The following MATR3 variants were observed in gnomAD, a reference collection of about 807,000 sequenced individuals.
MATR3 encodes the protein matrin-3.
MATR3 carries 4 observed loss-of-function variants against 85.5 expected under a neutral mutation model. The observed-to-expected ratio is 0.05, with a 90% confidence interval of 0.02 to 0.11. MATR3 has a LOEUF of 0.11. Ranked by LOEUF, MATR3 falls within the 10% of genes least tolerant of loss-of-function variation. MATR3 has a pLI of 1.00. For missense variants in MATR3, 685 were observed against 1,016.1 expected (o/e 0.67, Z 4.43); for synonymous variants, 336 against 343.1 (o/e 0.98, Z 0.23).
chr5:139,310,010 C>G (rs1433247497), intron 2 of MATR3: 1 of 152,154 alleles, frequency 6.6e-6, no homozygotes, highest in Non-Finnish European at 1.5e-5. Flanking sequence ...ATCTTCGCTA[C>G]TGGAGTCATT....
chr5:139,320,842 G>A (rs1247538944), intron 9 of MATR3, among the ~76,000 whole-genome samples: 7 of 145,494 alleles, frequency 4.8e-5, no homozygotes, highest in East Asian at 4.0e-4. Flanking sequence ...CTGCCTCCCC[G>A]GTTCATGGCA....
intron 14 of MATR3, among the ~76,000 whole-genome samples, chr5:139,328,288 T>G (rs566137349): frequency 1.4e-3 from 207 of 152,346 alleles, no homozygotes; most frequent in African/African-American, 4.8e-3. Context: ...GGGGTGATTT[T>G]TTGTTGTTGT....
At chr5:139,313,751 A>C (rs2151977976) in intron 2 of MATR3, 1 of 152,290 alleles carries the variant, frequency 6.6e-6, no homozygotes, top group East Asian at 1.9e-4. Context: ...TATTTTGATA[A>C]ATGGGATTCG....
chr5:139,329,208 A>G, intron 14 of MATR3, 137 bp from the exon 15 acceptor site: 1 of 673,492 alleles, frequency 1.5e-6, no homozygotes, highest in South Asian at 1.6e-5. Context: ...AATGAGGATT[A>G]ACTAATTGTT....
intron 4 of MATR3, 82 bp from the exon 5 acceptor site, chr5:139,315,994 T>C (rs2151984538): frequency 9.6e-7 from 1 of 1,040,676 alleles, no homozygotes; most frequent in Middle Eastern, 3.0e-4. Flanking sequence ...GGTCATATAT[T>C]GGGGTGCTTT....
At chr5:139,325,813 A>C (rs1581262332) in intron 13 of MATR3, 151 bp downstream of exon 13, 5 of 716,302 alleles carry the variant, frequency 7.0e-6, no homozygotes, top group Non-Finnish European at 1.2e-5. Flanking sequence ...ATAAATCTTA[A>C]TTGATATATT....
In MATR3 at chr5:139,329,392, T is replaced by A; in HGVS notation, c.2541T>A (p.Thr847=). 6.2e-7 allele frequency: 1 copy of A among 1,610,898 alleles called. No individual in the cohort carries two copies. The highest frequency in any genetic ancestry group is 8.5e-7 in the Non-Finnish European group (1 of 1,177,632). Residue 847 remains threonine (T), a synonymous_variant, in exon 15 of 15, where the codon ACT becomes ACA. Transcript: ENST00000394805. ...AAGAACGCAGACAGAAGAAGGAAAC[T>A]TAAGATGTGCAAGGAGATTTAATGA... The part of the protein sequence containing the change: ...LAEERRQKKE[T]
Position 139,325,478 on chromosome 5 carries a change from A to G in MATR3, c.2187A>G (p.Ala729=), listed in dbSNP as rs942986678. ...AGGAACTTGATCAAGAAAACGAAGC[A>G]GCGTTGGAAAATGGAATTAAAAATG... The part of the protein sequence containing the change: ...KIEELDQENE[A]ALENGIKNEE... Residue 729 remains alanine (A), a synonymous_variant, in exon 13 of 15, where the codon GCA becomes GCG. Coordinates refer to ENST00000394805, the MANE Select transcript of MATR3 (RefSeq NM_018834.6). 6.2e-6 allele frequency: 10 copies of G among 1,614,102 alleles called. No individual in the cohort carries two copies. The highest frequency in any genetic ancestry group is 8.5e-6 in the Non-Finnish European group (10 of 1,180,044).
Position 139,330,766 on chromosome 5 carries a change from A to G in MATR3, c.*1371A>G, listed in dbSNP as rs1484695510. On this transcript the variant is annotated 3_prime_UTR_variant, in exon 15 of 15. Transcript: ENST00000394805. ...AGCTTTTCAAAATAATTACGTAGAG[A>G]CTCTTGGTATATTGGATTATCTGTT... 13 of 453,722 alleles carry G rather than the reference A, an allele frequency of 2.9e-5. No homozygotes were observed. The highest frequency in any genetic ancestry group is 4.7e-5 in the Admixed American group (2 of 42,512). 28.1% of individuals were successfully genotyped at this position (453,722 alleles called of 1,614,324 possible).
chr5:139,326,043 A>G, intron 13 of MATR3, 120 bp from the exon 14 acceptor site: 1 of 916,294 alleles, frequency 1.1e-6, no homozygotes, highest in Non-Finnish European at 1.7e-6. Context: ...TTTTTATCTT[A>G]GGCTGTATTG....
intron 1 of MATR3, among the ~76,000 whole-genome samples, chr5:139,306,781 G>A (rs1405794966): frequency 1.3e-5 from 2 of 152,196 alleles, no homozygotes; most frequent in East Asian, 3.9e-4. Flanking sequence ...ATTTTACTTG[G>A]TTCTTTCTGA....
chr5:139,277,735 A>G (rs1210087664), intron 2 of MATR3, among the ~76,000 whole-genome samples: 1 of 148,006 alleles, frequency 6.8e-6, no homozygotes, highest in African/African-American at 2.5e-5. Flanking sequence ...ATTCAAATTC[A>G]TGGGAAATAT....
chr5:139,294,126 CGCGTCCTGG>C, intron 1 of MATR3: 1 of 1,143,604 alleles, frequency 8.7e-7, no homozygotes, highest in Non-Finnish European at 1.1e-6. Flanking sequence ...GAGCTTCCTG[CGCGTCCTGG>C]GCTCGTTGTG....
chr5:139,310,432 A>G (rs1407740085), intron 2 of MATR3: 1 of 152,142 alleles, frequency 6.6e-6, no homozygotes, highest in African/African-American at 2.4e-5. Context: ...TTGCTTTACT[A>G]TGTTTTTTAC....
chr5:139,321,138 A>G (rs1755546317), intron 9 of MATR3, among the ~76,000 whole-genome samples: 1 of 151,890 alleles, frequency 6.6e-6, no homozygotes, highest in South Asian at 2.1e-4. Flanking sequence ...TAAATCTGAC[A>G]GGTTGGTTTT....
chr5:139,309,670 TCA>T lies in MATR3; in HGVS notation c.912+1346_912+1347del, dbSNP rs551767914. On this transcript the variant is annotated intron_variant, in intron 2 of 14. Transcript: ENST00000394805. Reference sequence around the variant, plus strand: ...TTCATTAAGAAATACAACCCCAGACTCACAAAAGCCAGCAAATTTTAATTGGT... The same window carrying T: ...TTCATTAAGAAATACAACCCCAGACTCAAAAGCCAGCAAATTTTAATTGGT... Among the ~76,000 whole-genome samples, 14 of 152,252 alleles carry T rather than the reference TCA, an allele frequency of 9.2e-5. No homozygotes were observed. The East Asian group carries it at 2.7e-3, about 29-fold the overall frequency.
intron 1 of MATR3, chr5:139,294,108 G>C (rs1331080740): frequency 8.2e-7 from 1 of 1,216,058 alleles, no homozygotes; most frequent in African/African-American, 1.6e-5. Flanking sequence ...GAGGTGCGCT[G>C]ACCGGCCGAG....
At chr5:139,287,658 G>A (rs1368921915) in intron 3 of MATR3, among the ~76,000 whole-genome samples, 2 of 151,960 alleles carry the variant, frequency 1.3e-5, no homozygotes, top group Non-Finnish European at 1.5e-5. Context: ...TACCAAACTT[G>A]TCACTTAGAC....
chr5:139,326,555 A>C (rs982999161), intron 14 of MATR3, among the ~76,000 whole-genome samples: 2 of 151,550 alleles, frequency 1.3e-5, no homozygotes, highest in African/African-American at 4.9e-5. Context: ...CAAGTAGCTG[A>C]GATTACAGGC....
Sources: allele counts gnomAD v4.1 joint callset (sites outside exome capture counted in the v4.1 genomes callset), GRCh38; gene constraint gnomAD v4.1.1; transcripts MANE v1.5; gene names NCBI Gene and HGNC (gene_info 2026-07-23, HGNC 2026-07-21).